Variants in KCNIP2 observed in about 807,000 individuals in gnomAD.
The protein encoded by KCNIP2 is potassium voltage-gated channel interacting protein 2.
Under a neutral mutation model 39.0 loss-of-function variants are expected in KCNIP2, and 19 were observed. The observed-to-expected ratio is 0.49, with a 90% CI of 0.34 to 0.71. The LOEUF is 0.71. Ranked by LOEUF, KCNIP2 falls within the 30% of genes least tolerant of loss-of-function variation. KCNIP2 has a pLI of 0.01. For synonymous variants in KCNIP2, 111 were observed against 131.2 expected (o/e 0.85, Z 1.05); for missense variants, 261 against 346.0 (o/e 0.75, Z 1.95).
intron 1 of KCNIP2, among the ~76,000 whole-genome samples, chr10:101,840,336 A>G (rs995779053): frequency 6.7e-6 from 1 of 149,924 alleles, no homozygotes; most frequent in East Asian, 2.0e-4. Context: ...TTCCTGGGCC[A>G]ATGGAAGAAA....
At chr10:101,836,617 A>C (rs1162795963) in intron 1 of KCNIP2, among the ~76,000 whole-genome samples, 1 of 152,132 alleles carries the variant, frequency 6.6e-6, no homozygotes, top group Admixed American at 6.5e-5. Context: ...TAAAGGTTGG[A>C]TCAGGAGTCC....
chr10:101,835,777 A>G (rs2066135670), intron 1 of KCNIP2, among the ~76,000 whole-genome samples: 2 of 152,206 alleles, frequency 1.3e-5, no homozygotes, highest in Non-Finnish European at 1.5e-5. Flanking sequence ...GTGACTGAGC[A>G]TTCACTATGT....
chr10:101,832,095 C>T (rs61874110), intron 1 of KCNIP2, among the ~76,000 whole-genome samples: 1 of 152,228 alleles, frequency 6.6e-6, no homozygotes, highest in African/African-American at 2.4e-5. Flanking sequence ...GGCCCCTTCA[C>T]AGTCTCTTCC....
chr10:101,828,527 C>G lies in KCNIP2; in HGVS notation c.419-68G>C. 1 of 1,598,570 alleles carries G rather than the reference C, an allele frequency of 6.3e-7. No individual in the cohort carries two copies. Among genetic ancestry groups the G allele is most frequent in the South Asian group, 1.1e-5 (1 of 90,296 alleles). ...GACTTCCTCCCTCTAAGGAGCTCCC[C>G]ATACCCCCCATCACCTTGGCATTCC... On this transcript the variant is annotated intron_variant, in intron 5 of 9. Coordinates refer to ENST00000356640, the MANE Select transcript of KCNIP2 (RefSeq NM_173191.3). This position sits in a 1 kb window ranked among gnomAD's most constrained non-coding sequence, Gnocchi z 6.6.
chr10:101,830,901 C>A (rs1035172766), intron 2 of KCNIP2, among the ~76,000 whole-genome samples, 171 bp downstream of exon 2: 1 of 149,922 alleles, frequency 6.7e-6, no homozygotes, highest in African/African-American at 2.5e-5. Context: ...CACGCACAGG[C>A]CTGGGGCAGG....
intron 1 of KCNIP2, chr10:101,834,497 C>T (rs1313425786): frequency 2.5e-6 from 1 of 397,530 alleles, no homozygotes; most frequent in Non-Finnish European, 4.4e-6. Context: ...CACTCTCCCT[C>T]CCAGGATCTC....
At position 101,843,521 on chromosome 10, in the gene KCNIP2, C is replaced by G; in HGVS notation, c.48G>C (p.Leu16=). ...CCGTGAGCTGGTCGTAGGAGCCGTC[C>G]AGGTCTCGGGAATCGGACAAACTCT... is the stretch of plus-strand genomic sequence containing the variant. ...RKESLSDSRD[L]DGSYDQLTGH... Residue 16 remains leucine, a synonymous_variant, in exon 1 of 10, where the codon CTG becomes CTC. Coordinates refer to ENST00000356640, the MANE Select transcript of KCNIP2 (RefSeq NM_173191.3). This position sits in a 1 kb window ranked among gnomAD's most constrained non-coding sequence, Gnocchi z 6.7. 6.3e-7 allele frequency: 1 copy of G among 1,582,426 alleles called. No homozygotes were observed. The highest frequency in any genetic ancestry group is 2.4e-5 in the East Asian group (1 of 42,082).
intron 1 of KCNIP2, among the ~76,000 whole-genome samples, chr10:101,841,101 T>C (rs1340827013): frequency 6.6e-6 from 1 of 152,174 alleles, no homozygotes; most frequent in Non-Finnish European, 1.5e-5. Context: ...GACTGTTTTT[T>C]GTTTTGTTTT....
At chr10:101,829,553 G>T (rs747257446) in intron 3 of KCNIP2, 6 of 486,862 alleles carry the variant, frequency 1.2e-5, no homozygotes, top group Non-Finnish European at 2.2e-5. Flanking sequence ...CTGAGGGTCA[G>T]AGCTCCGGGC....
At chr10:101,834,894 CAT>C (rs1251063217) in intron 1 of KCNIP2, among the ~76,000 whole-genome samples, 2 of 152,200 alleles carry the variant, frequency 1.3e-5, no homozygotes, top group Admixed American at 6.5e-5. Flanking sequence ...TATGGCAGTG[CAT>C]ATGTCTCCTC....
chr10:101,827,319 C>A lies in KCNIP2; in HGVS notation c.*34G>T. The A allele has an allele frequency of 1.9e-6, 3 of 1,572,698 alleles. No individual in the cohort carries two copies. The highest frequency in any genetic ancestry group is 1.2e-5 in the South Asian group (1 of 85,946). ...GCCTGGACTAGGGTTAGAGCATGGT[C>A]CCCCCAGGAAACACTGACCCCCTCT... On this transcript the variant is annotated 3_prime_UTR_variant, in exon 10 of 10. Coordinates refer to ENST00000356640, the MANE Select transcript of KCNIP2 (RefSeq NM_173191.3).
In KCNIP2 at chr10:101,831,288, G is replaced by C. The variant is rs1366050963; in HGVS notation, c.74-121C>G. The C allele has an allele frequency of 5.3e-6, 4 of 756,994 alleles. No individual in the cohort carries two copies. In the South Asian group the frequency reaches 5.3e-5, roughly 10 times the overall value. The allele number at this position is 756,994 out of a possible 1,614,324, so 46.9% of individuals were successfully genotyped here. A position where few individuals can be genotyped will look rare whatever the true frequency, so the allele number is the denominator to read the frequency against. On this transcript the variant is annotated intron_variant, in intron 1 of 9. Transcript: ENST00000356640. Reference sequence around the variant, plus strand: ...GGACCGGGCTGGGGGAGGAATTAAGGGGAGGAAAGGAATGGCAAGGGTGGT... The same window carrying C: ...GGACCGGGCTGGGGGAGGAATTAAGCGGAGGAAAGGAATGGCAAGGGTGGT...
At chr10:101,831,749 T>C (rs2065999572) in intron 1 of KCNIP2, among the ~76,000 whole-genome samples, 2 of 152,122 alleles carry the variant, frequency 1.3e-5, no homozygotes, top group African/African-American at 4.8e-5. Flanking sequence ...ATATAGGCCA[T>C]CTCACACACA....
In KCNIP2 at chr10:101,828,753, C is replaced by A; in HGVS notation, c.349-57G>T. On this transcript the variant is annotated intron_variant, in intron 4 of 9. Coordinates refer to ENST00000356640, the MANE Select transcript of KCNIP2 (RefSeq NM_173191.3). This position sits in a 1 kb window ranked among gnomAD's most constrained non-coding sequence, Gnocchi z 6.6. ...AGACAAAATCCCCTTCCGTTCACCG[C>A]CCCCACCCTCCATGGCCCAAGACTC... 1 of 1,612,982 alleles carries A rather than the reference C, an allele frequency of 6.2e-7. No individual in the cohort carries two copies. Among genetic ancestry groups the A allele is most frequent in the Non-Finnish European group, 8.5e-7 (1 of 1,179,126 alleles).
chr10:101,836,102 G>T (rs757834926), intron 1 of KCNIP2, among the ~76,000 whole-genome samples: 3 of 152,082 alleles, frequency 2.0e-5, no homozygotes, highest in Non-Finnish European at 4.4e-5. Flanking sequence ...TTTGTGGGGT[G>T]GGGGCCAGTC....
At chr10:101,834,582 G>T (rs2066093645) in intron 1 of KCNIP2, among the ~76,000 whole-genome samples, 1 of 151,964 alleles carries the variant, frequency 6.6e-6, no homozygotes. Context: ...CTCTTCGCAG[G>T]GCCACCTCAG....
chr10:101,837,329 G>A (rs999564946), intron 1 of KCNIP2, among the ~76,000 whole-genome samples: 1 of 151,906 alleles, frequency 6.6e-6, no homozygotes, highest in Non-Finnish European at 1.5e-5. Flanking sequence ...GCTTATCTTG[G>A]GAAAAAAGAG....
intron 1 of KCNIP2, among the ~76,000 whole-genome samples, chr10:101,833,960 C>T (rs769715532): frequency 3.3e-5 from 5 of 151,926 alleles, no homozygotes; most frequent in Non-Finnish European, 7.4e-5. Flanking sequence ...CTCCTGGTAT[C>T]GCCCAGAATC....
At chr10:101,840,538 A>T (rs1318658485) in intron 1 of KCNIP2, among the ~76,000 whole-genome samples, 1 of 97,532 alleles carries the variant, frequency 1.0e-5, no homozygotes, top group Non-Finnish European at 2.0e-5. Context: ...CTTCGAGAAG[A>T]GCCCCCCCCG....
Sources: allele counts gnomAD v4.1 joint callset (sites outside exome capture counted in the v4.1 genomes callset), GRCh38; gene constraint gnomAD v4.1.1; non-coding constraint Gnocchi (gnomAD v3.1); transcripts MANE v1.5; gene names NCBI Gene and HGNC (gene_info 2026-07-23, HGNC 2026-07-21).